SFR1: variants seen among roughly 807,000 people sequenced by gnomAD.
SFR1 encodes swi5-dependent recombination DNA repair protein 1 homolog.
SFR1 carries 24 observed loss-of-function variants against 26.2 expected under a neutral mutation model. That is an observed-to-expected ratio of 0.92 (90% CI 0.66 to 1.29). The LOEUF is 1.29. Ranked by LOEUF, SFR1 falls within the 50% of genes most tolerant of loss-of-function variation. The pLI, the probability that SFR1 is intolerant of heterozygous loss-of-function variation, is 0.00. For synonymous variants in SFR1, 77 were observed against 96.6 expected (o/e 0.80, Z 1.19); for missense variants, 276 against 270.2 (o/e 1.02, Z -0.15).
upstream of SFR1, chr10:104,122,083 C>A: frequency 7.2e-7 from 1 of 1,388,526 alleles, no homozygotes; most frequent in South Asian, 1.2e-5. Flanking sequence ...GTCAGGCAAT[C>A]TGGCCAATTG....
chr10:104,122,699 A>T, intron 1 of SFR1: 1 of 1,377,932 alleles, frequency 7.3e-7, no homozygotes. Flanking sequence ...ATTTGAATAT[A>T]TTTTGGTGGA....
chr10:104,121,619 C>T (rs2086961682), upstream of SFR1, among the ~76,000 whole-genome samples: 1 of 152,180 alleles, frequency 6.6e-6, no homozygotes, highest in Non-Finnish European at 1.5e-5. Flanking sequence ...GGCTTCTGGC[C>T]GCCCCACGTC....
chr10:104,125,691 T>G lies in SFR1; in HGVS notation c.725T>G (p.Phe242Cys). The G allele has an allele frequency of 6.3e-7, 1 of 1,583,908 alleles. No homozygotes were observed. The highest frequency in any genetic ancestry group is 1.7e-4 in the Middle Eastern group (1 of 5,956). The part of the protein sequence containing the change: ...LLHYNRSEEE[F>C]IDV ...CACTATAACAGAAGTGAAGAAGAAT[T>G]TATAGATGTTTAATTCCTGATTTTT... Residue 242 changes from phenylalanine to cysteine, a missense_variant, in exon 4 of 4, where the codon TTT (phenylalanine) becomes TGT (cysteine). Transcript: ENST00000369727.
At chr10:104,121,181 A>C (rs540814368), upstream of SFR1, among the ~76,000 whole-genome samples, 1 of 151,884 alleles carries the variant, frequency 6.6e-6, no homozygotes, top group Non-Finnish European at 1.5e-5. Context: ...CTCAAACGTG[A>C]ATTTTGGACC....
chr10:104,122,694 AAT>A, intron 1 of SFR1: 1 of 1,372,328 alleles, frequency 7.3e-7, no homozygotes, highest in Non-Finnish European at 9.4e-7. Context: ...GCAGAATTTG[AAT>A]ATATTTTGGT....
chr10:104,120,233 T>C (rs2086948766), upstream of SFR1, among the ~76,000 whole-genome samples: 1 of 152,190 alleles, frequency 6.6e-6, no homozygotes, highest in Admixed American at 6.5e-5. Context: ...GGACAAATCA[T>C]TCTGCTTTTT....
rs2086985341 is a variant in SFR1 at position 104,123,096 on chromosome 10, T to C, written c.135+10T>C. 1 of 1,549,310 alleles carries C rather than the reference T, an allele frequency of 6.5e-7. No individual in the cohort carries two copies. Among genetic ancestry groups the C allele is most frequent in the Non-Finnish European group, 8.7e-7 (1 of 1,150,420 alleles). ...TAGTTCCCGAAAACAAGTATGAAAA[T>C]CTTTGTTCTTCCAGTGGATCCATTA... On this transcript the variant is annotated intron_variant, in intron 2 of 3. Coordinates refer to ENST00000369727, the MANE Select transcript of SFR1 (RefSeq NM_001002759.2).
At position 104,126,162 on chromosome 10, in the gene SFR1, T is replaced by A. The variant is rs555092223; in HGVS notation, c.*458T>A. On this transcript the variant is annotated 3_prime_UTR_variant, in exon 4 of 4. Transcript: ENST00000369727. ...GTCAAAACGACATTTAAGTCATGTT[T>A]AAAAAGTCATTTGGGCAGTTCTGGA... is the stretch of plus-strand genomic sequence containing the variant. 5 of 152,834 alleles carry A rather than the reference T, an allele frequency of 3.3e-5. No homozygotes were observed. Among genetic ancestry groups the A allele is most frequent in the African/African-American group, 1.2e-4 (5 of 41,594 alleles). The allele number at this position is 152,834 out of a possible 1,614,324, so 9.5% of individuals were successfully genotyped here.
intron 1 of SFR1, 84 bp downstream of exon 1, chr10:104,122,280 C>T (rs1183804472): frequency 2.1e-6 from 3 of 1,457,370 alleles, no homozygotes; most frequent in South Asian, 2.7e-5. Context: ...GCTCCCTTTC[C>T]GGGTCTGGGG....
chr10:104,122,383 C>G, intron 1 of SFR1, 187 bp downstream of exon 1: 1 of 985,434 alleles, frequency 1.0e-6, no homozygotes, highest in Non-Finnish European at 1.2e-6. Flanking sequence ...CCCTAGTTTA[C>G]CCCTCAAAAG....
Position 104,125,777 on chromosome 10 carries a change from T to A in SFR1, c.*73T>A. On this transcript the variant is annotated 3_prime_UTR_variant, in exon 4 of 4. Coordinates refer to ENST00000369727, the MANE Select transcript of SFR1 (RefSeq NM_001002759.2). ...AAAGATACTTAGGCACTTTTTTTTT[T>A]TTTTTGAGACTGAGTTTCGCTCTTG... 1 of 1,091,644 alleles carries A rather than the reference T, an allele frequency of 9.2e-7. No homozygotes were observed. The highest frequency in any genetic ancestry group is 1.3e-6 in the Non-Finnish European group (1 of 755,486). The allele number at this position is 1,091,644 out of a possible 1,614,324, so 67.6% of individuals were successfully genotyped here.
upstream of SFR1, among the ~76,000 whole-genome samples, chr10:104,121,705 G>A (rs944051718): frequency 3.9e-5 from 6 of 152,334 alleles, no homozygotes; most frequent in Non-Finnish European, 1.5e-5. Context: ...CGGGCTGGCG[G>A]GGGTGGGGAG....
chr10:104,122,347 G>C, intron 1 of SFR1, 151 bp downstream of exon 1: 1 of 1,391,372 alleles, frequency 7.2e-7, no homozygotes, highest in Non-Finnish European at 9.3e-7. Flanking sequence ...TTTCTGCAAC[G>C]GGGGGAAGGA....
At chr10:104,120,852 C>G (rs1033573522), upstream of SFR1, among the ~76,000 whole-genome samples, 4 of 152,188 alleles carry the variant, frequency 2.6e-5, no homozygotes, top group Non-Finnish European at 5.9e-5. Flanking sequence ...TTATACCTGA[C>G]TGCTTAAGAC....
In SFR1 at chr10:104,124,082, CCT is replaced by C. The variant is rs1278922736; in HGVS notation, c.505_506del (p.Leu169SerfsTer11). 6.2e-7 allele frequency: 1 copy of C among 1,613,008 alleles called. No homozygotes were observed. The highest frequency in any genetic ancestry group is 2.2e-5 in the East Asian group (1 of 44,860). ...TGAAGCAGGTTCAGGAGAAAGAAGA[CCT>C]TCTTCGGAGGCTAAAACTAGTCAAA... Reference protein sequence around the residue: ...LVKQVQEKEDLLRRLKLVKMY... With the variant: ...LVKQVQEKEDXLRRLKLVKMY... On this transcript the variant is annotated frameshift_variant, in exon 3 of 4. Coordinates refer to ENST00000369727, the MANE Select transcript of SFR1 (RefSeq NM_001002759.2). LOFTEE classifies it high-confidence loss of function.
At chr10:104,124,287 A>G (rs1458026952) in intron 3 of SFR1, among the ~76,000 whole-genome samples, 163 bp downstream of exon 3, 1 of 152,142 alleles carries the variant, frequency 6.6e-6, no homozygotes, top group African/African-American at 2.4e-5. Context: ...TTTAGAGTAG[A>G]AAAGGCCCTT....
rs770780804 is a variant in SFR1 at position 104,125,675 on chromosome 10, A to G, written c.709A>G (p.Arg237Gly). 50 of 1,598,118 alleles carry G rather than the reference A, an allele frequency of 3.1e-5. No individual in the cohort carries two copies. The South Asian group carries it at 5.3e-4, about 17-fold the overall frequency. Residue 237 changes from arginine to glycine, a missense_variant, in exon 4 of 4, where the codon AGA becomes GGA. Coordinates refer to ENST00000369727, the MANE Select transcript of SFR1 (RefSeq NM_001002759.2). ...GLDDKLLHYN[R>G]SEEEFIDV ...AGATGATAAATTACTACACTATAACAGAAGTGAAGAAGAATTTATAGATGT... is the reference window on the plus strand; with the variant it reads ...AGATGATAAATTACTACACTATAACGGAAGTGAAGAAGAATTTATAGATGT...
Position 104,122,950 on chromosome 10 carries a change from A to C in SFR1, c.14-15A>C. ...GTGTGGTTAATTCGATTATTTTATAATTTTTCTTTTTTAGAGAAAAACCAA... is the reference window on the plus strand; with the variant it reads ...GTGTGGTTAATTCGATTATTTTATACTTTTTCTTTTTTAGAGAAAAACCAA... On this transcript the variant is annotated splice_polypyrimidine_tract_variant and intron_variant, in intron 1 of 3. Transcript: ENST00000369727. The C allele has an allele frequency of 6.2e-7, 1 of 1,610,828 alleles. No individual in the cohort carries two copies. The highest frequency in any genetic ancestry group is 2.2e-5 in the East Asian group (1 of 44,854).
At position 104,125,758 on chromosome 10, in the gene SFR1, A is replaced by G; in HGVS notation, c.*54A>G. The G allele has an allele frequency of 7.9e-7, 1 of 1,271,932 alleles. No individual in the cohort carries two copies. Among genetic ancestry groups the G allele is most frequent in the Non-Finnish European group, 1.1e-6 (1 of 917,638 alleles). 78.8% of individuals were successfully genotyped at this position (1,271,932 alleles called of 1,614,324 possible). A position where few individuals can be genotyped will look rare whatever the true frequency, so the allele number is the denominator to read the frequency against. On this transcript the variant is annotated 3_prime_UTR_variant, in exon 4 of 4. Transcript: ENST00000369727. The stretch of plus-strand genomic sequence containing the variant: ...GAGAATGACAACTTAATTAAAAGAT[A>G]CTTAGGCACTTTTTTTTTTTTTTTG...
Sources: allele counts gnomAD v4.1 joint callset (sites outside exome capture counted in the v4.1 genomes callset), GRCh38; gene constraint gnomAD v4.1.1; transcripts MANE v1.5; gene names NCBI Gene and HGNC (gene_info 2026-07-23, HGNC 2026-07-21).